Variants in HSPG2 observed in about 807,000 individuals in gnomAD.
HSPG2 encodes the protein basement membrane-specific heparan sulfate proteoglycan core protein.
In HSPG2, 278 loss-of-function variants were observed where a neutral mutation model predicts 526.6. That is an observed-to-expected ratio of 0.53 (90% CI 0.48 to 0.58). HSPG2 has a LOEUF of 0.58. Among genes scored for constraint, HSPG2 ranks in the 20% least tolerant of loss-of-function variants. HSPG2 has a pLI of 0.00. For missense variants in HSPG2, 5,354 were observed against 6,099.5 expected, an observed-to-expected ratio of 0.88 and a Z score of 4.07; for synonymous variants, 2,465 against 2,555.4, an observed-to-expected ratio of 0.96 and a Z score of 1.07.
intron 1 of HSPG2, among the ~76,000 whole-genome samples, chr1:21,902,101 C>A (rs571396055): frequency 6.6e-6 from 1 of 152,358 alleles, no homozygotes; most frequent in East Asian, 1.9e-4. Context: ...ACAGACAGCA[C>A]ACAGGAAGGA....
rs761662063 is a variant in HSPG2, at chr1:21,850,423, TGCCCAACACTCGGCACACGTACTC to T, written c.7210_7233del (p.Glu2404_Gly2411del). ...ACAGAGGCCTCTAGAGGCACGGAGC[TGCCCAACACTCGGCACACGTACTC>T]GCCCGAGTCGGCGGGGGACGCTTGG... On this transcript the variant is annotated inframe_deletion, in exon 56 of 97. Coordinates refer to ENST00000374695, the MANE Select transcript of HSPG2 (RefSeq NM_005529.7). 1.6e-4 allele frequency: 250 copies of T among 1,612,044 alleles called. No homozygotes were observed. Among genetic ancestry groups the T allele is most frequent in the Non-Finnish European group, 2.1e-4 (244 of 1,179,484 alleles).
chr1:21,916,542 A>T (rs1643892085), intron 1 of HSPG2, among the ~76,000 whole-genome samples: 1 of 151,616 alleles, frequency 6.6e-6, no homozygotes, highest in Non-Finnish European at 1.5e-5. Context: ...AACACAAAAA[A>T]AATTGCCAGT....
At position 21,879,032 on chromosome 1, in the gene HSPG2, G is replaced by T. The variant is rs1223150452; in HGVS notation, c.2433C>A (p.Cys811Ter). 1 of 1,614,080 alleles carries T rather than the reference G, an allele frequency of 6.2e-7. No individual in the cohort carries two copies. The highest frequency in any genetic ancestry group is 1.3e-5 in the African/African-American group (1 of 74,942). ...GDAMKATATS[C>*]RPCPCPYIDA... ...CGATGTATGGGCAAGGGCAGGGCCG[G>T]CAGGAAGTGGCCGTGGCCTTCATGG... The change falls in exon 18 of 97, where the codon TGC (cysteine) becomes TGA (stop). Residue 811 changes from cysteine to a stop codon, truncating the protein, a stop_gained. Coordinates refer to ENST00000374695, the MANE Select transcript of HSPG2 (RefSeq NM_005529.7). LOFTEE classifies it high-confidence loss of function.
chr1:21,860,120 T>G (rs1639676532), intron 40 of HSPG2, 57 bp downstream of exon 40: 12 of 1,608,220 alleles, frequency 7.5e-6, no homozygotes, highest in African/African-American at 2.7e-5. Context: ...ATCCCCCAAA[T>G]TCCCAGGGCT....
In HSPG2 at chr1:21,895,802, C is replaced by G; in HGVS notation, c.244+120G>C. 2 of 899,244 alleles carry G rather than the reference C, an allele frequency of 2.2e-6. No homozygotes were observed. The highest frequency in any genetic ancestry group is 3.7e-6 in the Non-Finnish European group (2 of 542,810). 55.7% of individuals were successfully genotyped at this position (899,244 alleles called of 1,614,324 possible). A position where few individuals can be genotyped will look rare whatever the true frequency, so the allele number is the denominator to read the frequency against. On this transcript the variant is annotated intron_variant, in intron 3 of 96. Transcript: ENST00000374695. This position sits in a 1 kb window ranked among gnomAD's most constrained non-coding sequence, Gnocchi z 4.1. ...TCACTCAGCAGGTTAAGAGATCACA[C>G]CCACTTCTTCTTGCTTTGTACCCCA...
chr1:21,869,691 A>G, intron 33 of HSPG2: 1 of 986,110 alleles, frequency 1.0e-6, no homozygotes, highest in Non-Finnish European at 1.2e-6. Context: ...GAAGAGCGGC[A>G]GAAGGGAGCA....
At position 21,893,987 on chromosome 1, in the gene HSPG2, G is replaced by A. The variant is rs1401603749; in HGVS notation, c.244+1935C>T. 6.6e-6 allele frequency among the ~76,000 whole-genome samples: 1 copy of A among 151,962 alleles called. No individual in the cohort carries two copies. ...ACAGGATGAGGCAGAGGGAGGAGGC[G>A]CAGAGACAGACACTCAAGGAGTGGG... On this transcript the variant is annotated intron_variant, in intron 3 of 96. Coordinates refer to ENST00000374695, the MANE Select transcript of HSPG2 (RefSeq NM_005529.7). The surrounding 1 kb of genome is among the most constrained non-coding windows in gnomAD (Gnocchi z 4.3).
chr1:21,865,841 TG>T lies in HSPG2; in HGVS notation c.4222-33del, dbSNP rs1300868345. ...AGAGGCAAGCCCAGAGGTCACAGGC[TG>T]ACCTTGGGGTGTGAGTGTTGGACCA... On this transcript the variant is annotated intron_variant, in intron 33 of 96. Transcript: ENST00000374695. The surrounding 1 kb of genome is among the most constrained non-coding windows in gnomAD (Gnocchi z 5.4). 9 of 1,558,846 alleles carry T rather than the reference TG, an allele frequency of 5.8e-6. No homozygotes were observed. Among genetic ancestry groups the T allele is most frequent in the Admixed American group, 5.0e-5 (3 of 59,926 alleles).
chr1:21,916,558 GGTGT>G (rs887585015), intron 1 of HSPG2, among the ~76,000 whole-genome samples: 2 of 151,752 alleles, frequency 1.3e-5, no homozygotes, highest in Non-Finnish European at 2.9e-5. Flanking sequence ...CCAGTGTGGT[GGTGT>G]GTGCCTGTAA....
At chr1:21,857,612 T>G (rs1011281299) in intron 42 of HSPG2, among the ~76,000 whole-genome samples, 10 of 152,072 alleles carry the variant, frequency 6.6e-5, no homozygotes, top group Admixed American at 3.9e-4. Context: ...CATCACACCA[T>G]GGGTCCACTT....
In HSPG2 at chr1:21,885,394, T is replaced by C. The variant is rs886046045; in HGVS notation, c.1136A>G (p.Asn379Ser). The C allele has an allele frequency of 1.2e-6, 2 of 1,613,946 alleles. No homozygotes were observed. Among genetic ancestry groups the C allele is most frequent in the South Asian group, 1.1e-5 (1 of 91,084 alleles). ...GPTQFRCVST[N>S]MCIPASFHCD... ...GTGGAAGCTGGCTGGGATGCACATG[T>C]TGGTAGAGACGCATCGGAACTGTGT... is the stretch of plus-strand genomic sequence containing the variant. Residue 379 changes from asparagine (N) to serine (S), a missense_variant, in exon 10 of 97, where the codon AAC becomes AGC. By Grantham distance (46) the Asn-to-Ser change is conservative (BLOSUM62 1). Transcript: ENST00000374695.
Position 21,859,576 on chromosome 1 carries a change from C to T in HSPG2, c.5283G>A (p.Leu1761=), listed in dbSNP as rs761247172. The T allele has an allele frequency of 2.0e-5, 32 of 1,596,834 alleles. No individual in the cohort carries two copies. The African/African-American group carries it at 4.0e-4, about 20-fold the overall frequency. The change falls in exon 42 of 97, where the codon CTG becomes CTA. Residue 1761 remains leucine, a synonymous_variant. Coordinates refer to ENST00000374695, the MANE Select transcript of HSPG2 (RefSeq NM_005529.7). This position sits in a 1 kb window ranked among gnomAD's most constrained non-coding sequence, Gnocchi z 5.3. ...LHQSNTSRAE[L]LVTEAPSKPI... is the part of the protein sequence containing the mutation. ...GGCGTAGGGACTCACCAGTGACCAGCAGCTCTGCCCGGCTGGTATTGGATT... is the reference window on the plus strand; with the variant it reads ...GGCGTAGGGACTCACCAGTGACCAGTAGCTCTGCCCGGCTGGTATTGGATT...
Position 21,857,204 on chromosome 1 carries a change from C to T in HSPG2, c.5395-9G>A. The T allele has an allele frequency of 6.2e-7, 1 of 1,614,056 alleles. No homozygotes were observed. Among genetic ancestry groups the T allele is most frequent in the Non-Finnish European group, 8.5e-7 (1 of 1,180,008 alleles). The stretch of plus-strand genomic sequence containing the variant: ...AGGGTATAGGCTGGGGACTGCAGGG[C>T]AAGGCGAAAGGGGGTCATGGGTGGG... On this transcript the variant is annotated splice_polypyrimidine_tract_variant and intron_variant, in intron 43 of 96. Transcript: ENST00000374695.
chr1:21,851,383 T>G, intron 55 of HSPG2, 163 bp downstream of exon 55: 1 of 931,708 alleles, frequency 1.1e-6, no homozygotes, highest in Non-Finnish European at 1.6e-6. Context: ...CACACCCAGG[T>G]TAGTCAGTCC....
chr1:21,883,334 T>C (rs35799434), intron 13 of HSPG2, among the ~76,000 whole-genome samples: 1,729 of 152,348 alleles, frequency 0.011, 21 homozygotes, highest in South Asian at 0.022. Context: ...GTTTTGTTTT[T>C]AGGGATGGGG....
rs1639006847 is a variant in HSPG2 at position 21,852,835 on chromosome 1, G to A, written c.6592-3C>T. 2 of 1,611,414 alleles carry A rather than the reference G, an allele frequency of 1.2e-6. No homozygotes were observed. The highest frequency in any genetic ancestry group is 1.7e-6 in the Non-Finnish European group (2 of 1,179,064). ...AGCCGCAGCAGCGAGCCGTGGGTCT[G>A]TGTGCAAATGGGGTGGGTTGGGAGG... On this transcript the variant is annotated splice_polypyrimidine_tract_variant and splice_region_variant and intron_variant, in intron 51 of 96. Transcript: ENST00000374695.
At position 21,824,640 on chromosome 1, in the gene HSPG2, G is replaced by A; in HGVS notation, c.12666-25C>T. On this transcript the variant is annotated intron_variant, in intron 92 of 96. Coordinates refer to ENST00000374695, the MANE Select transcript of HSPG2 (RefSeq NM_005529.7). The surrounding 1 kb of genome is among the most constrained non-coding windows in gnomAD (Gnocchi z 5.9). ...GCTGCGGAGGAAGAGCGGGTGAGGG[G>A]ACAGAAGTCCCAGATTCCCATCCTC... is the stretch of plus-strand genomic sequence containing the variant. The A allele has an allele frequency of 2.5e-6, 4 of 1,613,900 alleles. No individual in the cohort carries two copies. The highest frequency in any genetic ancestry group is 3.4e-6 in the Non-Finnish European group (4 of 1,179,928).
chr1:21,851,624 C>T lies in HSPG2; in HGVS notation c.7080G>A (p.Leu2360=), dbSNP rs777788386. ...GGGACTGCCCGGGCACCACGCAGTT[C>T]AGATCCAGGGTCTGCCCTTCCGCCA... is the stretch of plus-strand genomic sequence containing the variant. The part of the protein sequence containing the change: ...SQVAEGQTLD[L]NCVVPGQSHA... The change falls in exon 55 of 97, where the codon CTG becomes CTA. Residue 2360 remains leucine (L), a synonymous_variant. Transcript: ENST00000374695. 6.2e-7 allele frequency: 1 copy of T among 1,613,978 alleles called. No individual in the cohort carries two copies. Among genetic ancestry groups the T allele is most frequent in the South Asian group, 1.1e-5 (1 of 91,080 alleles).
At chr1:21,888,711 G>C (rs893811785) in intron 6 of HSPG2, 38 of 1,365,096 alleles carry the variant, frequency 2.8e-5, no homozygotes, top group Non-Finnish European at 3.6e-5. Context: ...GGGGTGGGGG[G>C]GTCTGTGCTG....
Sources: allele counts gnomAD v4.1 joint callset (sites outside exome capture counted in the v4.1 genomes callset), GRCh38; gene constraint gnomAD v4.1.1; non-coding constraint Gnocchi (gnomAD v3.1); transcripts MANE v1.5; gene names NCBI Gene and HGNC (gene_info 2026-07-23, HGNC 2026-07-21).